Variants in MBD5 observed in about 807,000 individuals in gnomAD.
MBD5 encodes the protein methyl-CpG binding domain protein 5, also known as methyl-CpG-binding domain protein 5.
MBD5 carries 13 observed loss-of-function variants against 117.3 expected under a neutral mutation model. That is an observed-to-expected ratio of 0.11 (90% CI 0.07 to 0.18). The LOEUF (loss-of-function observed/expected upper bound fraction) is 0.18, where lower values mean the gene tolerates loss of function less well. Among genes scored for constraint, MBD5 ranks in the 10% least tolerant of loss-of-function variants. MBD5 has a pLI of 1.00. For missense variants in MBD5, 1,879 were observed against 2,093.8 expected, an observed-to-expected ratio of 0.90 and a Z score of 2.00; for synonymous variants, 727 against 766.4, an observed-to-expected ratio of 0.95 and a Z score of 0.85.
At chr2:148,329,148 A>T (rs1285805741) in intron 3 of MBD5, among the ~76,000 whole-genome samples, 1 of 152,194 alleles carries the variant, frequency 6.6e-6, no homozygotes, top group Non-Finnish European at 1.5e-5. Context: ...TAACCTGGAG[A>T]TAAAACCAAG....
At chr2:148,235,390 G>A (rs1392731845) in intron 3 of MBD5, among the ~76,000 whole-genome samples, 1 of 152,016 alleles carries the variant, frequency 6.6e-6, no homozygotes, top group South Asian at 2.1e-4. Context: ...TGTATCAATG[G>A]TATATAGCTT....
chr2:148,381,745 C>G (rs189991420), intron 4 of MBD5, among the ~76,000 whole-genome samples: 3 of 152,348 alleles, frequency 2.0e-5, no homozygotes, highest in East Asian at 3.9e-4. Flanking sequence ...GCCCATCACA[C>G]TAACAGCTGA....
chr2:148,115,053 A>T (rs1417354589), intron 1 of MBD5, among the ~76,000 whole-genome samples: 1 of 152,096 alleles, frequency 6.6e-6, no homozygotes, highest in Non-Finnish European at 1.5e-5. Flanking sequence ...TTAATTTTTT[A>T]AATTTATGAA....
intron 1 of MBD5, among the ~76,000 whole-genome samples, chr2:148,066,105 TG>T (rs1289164761): frequency 1.3e-5 from 2 of 152,104 alleles, no homozygotes; most frequent in African/African-American, 4.8e-5. Flanking sequence ...AAGACAAGCC[TG>T]GGCAATATTA....
At chr2:148,099,718 C>G (rs1023913850) in intron 1 of MBD5, among the ~76,000 whole-genome samples, 2 of 152,120 alleles carry the variant, frequency 1.3e-5, no homozygotes, top group Non-Finnish European at 2.9e-5. Context: ...TTTGGGTGTT[C>G]TTAATTAGGA....
chr2:148,234,856 A>G (rs565098904), intron 3 of MBD5, among the ~76,000 whole-genome samples: 1 of 152,242 alleles, frequency 6.6e-6, no homozygotes, highest in Non-Finnish European at 1.5e-5. Flanking sequence ...TTATTTAAAT[A>G]TTTTCTTAGT....
chr2:148,381,087 C>T (rs749324979), intron 4 of MBD5, among the ~76,000 whole-genome samples: 2 of 152,144 alleles, frequency 1.3e-5, no homozygotes, highest in African/African-American at 4.8e-5. Flanking sequence ...GAACACAGCT[C>T]CTCACCAGCA....
At chr2:148,118,850 A>G (rs1234992734) in intron 1 of MBD5, among the ~76,000 whole-genome samples, 1 of 152,140 alleles carries the variant, frequency 6.6e-6, no homozygotes, top group African/African-American at 2.4e-5. Context: ...ATGTTGTAGT[A>G]TATCTCCTAA....
At chr2:148,314,794 A>G (rs1349221578) in intron 3 of MBD5, among the ~76,000 whole-genome samples, 1 of 152,134 alleles carries the variant, frequency 6.6e-6, no homozygotes, top group Non-Finnish European at 1.5e-5. Context: ...TCTCTTACTC[A>G]ACATAGCATA....
chr2:148,415,731 T>C (rs2105219042), intron 4 of MBD5, among the ~76,000 whole-genome samples: 1 of 152,348 alleles, frequency 6.6e-6, no homozygotes, highest in East Asian at 1.9e-4. Flanking sequence ...TCTGAGATTC[T>C]TTCATCAGCT....
chr2:148,180,607 T>C (rs1428255876), intron 2 of MBD5, among the ~76,000 whole-genome samples: 2 of 151,924 alleles, frequency 1.3e-5, no homozygotes, highest in Admixed American at 1.3e-4. Flanking sequence ...CATGGGTCAC[T>C]GCAGCATCAA....
chr2:148,395,501 T>C (rs1271715961), intron 4 of MBD5, among the ~76,000 whole-genome samples: 1 of 148,348 alleles, frequency 6.7e-6, no homozygotes, highest in Non-Finnish European at 1.5e-5. Flanking sequence ...CTTGGCTCAC[T>C]GCAACCTCTG....
intron 3 of MBD5, among the ~76,000 whole-genome samples, chr2:148,340,760 A>G (rs2105134976): frequency 6.6e-6 from 1 of 151,590 alleles, no homozygotes; most frequent in South Asian, 2.1e-4. Context: ...ACAAAATATA[A>G]CTGTGAGTAA....
At chr2:148,377,196 G>C (rs1049825923) in intron 4 of MBD5, among the ~76,000 whole-genome samples, 1 of 152,006 alleles carries the variant, frequency 6.6e-6, no homozygotes, top group Non-Finnish European at 1.5e-5. Context: ...ACCTGGAGTC[G>C]GATGTTCAAA....
intron 4 of MBD5, among the ~76,000 whole-genome samples, chr2:148,409,202 T>A (rs1302653990): frequency 6.6e-6 from 1 of 151,866 alleles, no homozygotes; most frequent in African/African-American, 2.4e-5. Flanking sequence ...CTGGACAACA[T>A]AGTGAGACCC....
chr2:148,253,897 G>A (rs1478151607), intron 3 of MBD5, among the ~76,000 whole-genome samples: 1 of 152,178 alleles, frequency 6.6e-6, no homozygotes, highest in Admixed American at 6.5e-5. Flanking sequence ...GCGGGGTTGT[G>A]CACCTGCACT....
intron 2 of MBD5, among the ~76,000 whole-genome samples, chr2:148,204,952 T>TATATAA (rs1699239369): frequency 6.6e-6 from 1 of 152,126 alleles, no homozygotes; most frequent in African/African-American, 2.4e-5. Flanking sequence ...GTAGACACTA[T>TATATAA]ATATAAATAT....
intron 1 of MBD5, among the ~76,000 whole-genome samples, chr2:148,075,100 T>C (rs1212381196): frequency 6.6e-6 from 1 of 151,856 alleles, no homozygotes; most frequent in Non-Finnish European, 1.5e-5. Flanking sequence ...TGGGAAGAGA[T>C]TATTGGAAAG....
intron 4 of MBD5, among the ~76,000 whole-genome samples, chr2:148,373,602 C>A (rs760689322): frequency 4.0e-5 from 6 of 151,400 alleles, no homozygotes; most frequent in Non-Finnish European, 8.8e-5. Flanking sequence ...ATTAATAGTA[C>A]ATATGTGGCA....
Sources: gnomAD v4.1 joint callset for allele counts (sites outside exome capture counted in the v4.1 genomes callset) on GRCh38, gnomAD v4.1.1 for gene constraint, MANE v1.5 for transcripts, NCBI Gene and HGNC (gene_info 2026-07-23, HGNC 2026-07-21) for gene names.